Variants in ARMC2 observed in about 807,000 individuals in gnomAD.
The protein encoded by ARMC2 is armadillo repeat-containing protein 2.
In ARMC2, 67 loss-of-function variants were observed where a neutral mutation model predicts 90.3. The observed-to-expected ratio is 0.74, with a 90% confidence interval of 0.61 to 0.91. The LOEUF (loss-of-function observed/expected upper bound fraction) is 0.91, where lower values mean the gene tolerates loss of function less well. Among genes scored for constraint, ARMC2 ranks in the 40% least tolerant of loss-of-function variants. The pLI, the probability that ARMC2 is intolerant of heterozygous loss-of-function variation, is 0.00. For synonymous variants in ARMC2, 393 were observed against 393.0 expected, an observed-to-expected ratio of 1.00 and a Z score of 0.00; for missense variants, 920 against 1,030.9, an observed-to-expected ratio of 0.89 and a Z score of 1.47.
chr6:109,044,997 T>C, the ARMC2 span, among the ~76,000 whole-genome samples: 1 of 151,620 alleles, frequency 6.6e-6, no homozygotes, highest in Admixed American at 6.6e-5. Context: ...CACTCCATCC[T>C]GGGCAACAAG....
the ARMC2 span, among the ~76,000 whole-genome samples, chr6:109,006,225 TCCTTA>T: frequency 1.3e-5 from 2 of 152,220 alleles, no homozygotes; most frequent in East Asian, 1.9e-4. Context: ...CTTAGATTAA[TCCTTA>T]CCTTAATCTA....
downstream of ARMC2, among the ~76,000 whole-genome samples, chr6:108,975,001 C>CTT (rs769081082): frequency 6.8e-6 from 1 of 147,748 alleles, no homozygotes; most frequent in South Asian, 2.1e-4. Flanking sequence ...TTCTCTCTCT[C>CTT]TTTTTTTTTT....
chr6:108,915,179 C>T (rs1243838593), intron 10 of ARMC2, among the ~76,000 whole-genome samples: 1 of 152,138 alleles, frequency 6.6e-6, no homozygotes, highest in East Asian at 1.9e-4. Context: ...TAGTCTCAAA[C>T]TCATGACCTC....
intron 5 of ARMC2, among the ~76,000 whole-genome samples, chr6:108,879,237 C>T (rs1286906706): frequency 6.6e-6 from 1 of 151,434 alleles, no homozygotes; most frequent in East Asian, 1.9e-4. Context: ...TCTCCCCATC[C>T]ATCCACCCAT....
intron 1 of ARMC2, chr6:108,848,790 C>T (rs1309254665): frequency 3.3e-5 from 5 of 152,288 alleles, no homozygotes; most frequent in Non-Finnish European, 7.3e-5. Context: ...CGGGCACTGC[C>T]GTGGGTGGGG....
intron 13 of ARMC2, among the ~76,000 whole-genome samples, chr6:108,954,170 C>G (rs1457003246): frequency 6.6e-6 from 1 of 152,150 alleles, no homozygotes; most frequent in Non-Finnish European, 1.5e-5. Flanking sequence ...GTCTTATCTC[C>G]AAATACAAGC....
At chr6:108,979,941 C>T in the ARMC2 span, among the ~76,000 whole-genome samples, 1 of 151,914 alleles carries the variant, frequency 6.6e-6, no homozygotes, top group African/African-American at 2.4e-5. Context: ...AGAACATGCT[C>T]CTTTAGCTCG....
At chr6:108,902,894 G>A (rs1314911277) in intron 7 of ARMC2, among the ~76,000 whole-genome samples, 2 of 151,982 alleles carry the variant, frequency 1.3e-5, no homozygotes, top group Non-Finnish European at 2.9e-5. Flanking sequence ...TAGTGTGGCT[G>A]CCACTTCCAA....
the ARMC2 span, among the ~76,000 whole-genome samples, chr6:109,032,014 G>A: frequency 2.2e-4 from 33 of 152,132 alleles, no homozygotes; most frequent in African/African-American, 6.7e-4. Flanking sequence ...ATAAAATTTC[G>A]TGTTAAGTAC....
chr6:108,890,189 C>CAAAAAAAAAAAAAAAAAA (rs869186045), intron 5 of ARMC2, among the ~76,000 whole-genome samples: 4 of 64,246 alleles, frequency 6.2e-5, no homozygotes, highest in Admixed American at 1.7e-4. Flanking sequence ...GACTCCGTCT[C>CAAAAAAAAAAAAAAAAAA]AAAAAAAAAA....
intron 15 of ARMC2, 56 bp downstream of exon 15, chr6:108,962,183 A>T: frequency 7.3e-7 from 1 of 1,376,024 alleles, no homozygotes; most frequent in Non-Finnish European, 1.0e-6. Context: ...TAATCAGCTG[A>T]GTGGTTTTGC....
At chr6:109,045,851 T>A in the ARMC2 span, among the ~76,000 whole-genome samples, 2 of 152,218 alleles carry the variant, frequency 1.3e-5, no homozygotes, top group Middle Eastern at 3.4e-3. Context: ...TGGCATGGAA[T>A]GTTACACAGA....
chr6:108,885,147 A>G (rs1044066613), intron 5 of ARMC2, among the ~76,000 whole-genome samples: 4 of 152,208 alleles, frequency 2.6e-5, no homozygotes, highest in African/African-American at 7.2e-5. Flanking sequence ...GGATAGCTAC[A>G]AAGCAATATA....
chr6:109,022,900 T>C, the ARMC2 span, among the ~76,000 whole-genome samples: 1 of 152,304 alleles, frequency 6.6e-6, no homozygotes, highest in Middle Eastern at 3.4e-3. Flanking sequence ...TGCTGCCTGA[T>C]AATGTTTTAG....
chr6:109,050,625 G>C, the ARMC2 span, among the ~76,000 whole-genome samples: 2 of 152,058 alleles, frequency 1.3e-5, no homozygotes, highest in Non-Finnish European at 2.9e-5. Flanking sequence ...TATACAAATG[G>C]GCAGGCAGCA....
At chr6:108,903,555 G>A (rs1459463560) in intron 7 of ARMC2, among the ~76,000 whole-genome samples, 1 of 152,130 alleles carries the variant, frequency 6.6e-6, no homozygotes, top group Admixed American at 6.5e-5. Context: ...AAATGAATAT[G>A]TGTGAAGTTA....
At position 108,928,225 on chromosome 6, in the gene ARMC2, A is replaced by G; in HGVS notation, c.1488A>G (p.Arg496=). 6.5e-7 allele frequency: 1 copy of G among 1,539,336 alleles called. No homozygotes were observed. The highest frequency in any genetic ancestry group is 8.7e-7 in the Non-Finnish European group (1 of 1,143,798). ...AGGACGTCTGTACCAATATTGCCAGAATATTCAGGTAGGTAGACTAAGACG... is the reference window on the plus strand; with the variant it reads ...AGGACGTCTGTACCAATATTGCCAGGATATTCAGGTAGGTAGACTAAGACG... The part of the protein sequence containing the change: ...GDKDVCTNIA[R]IFSKLTSYRD... Residue 496 remains arginine, a synonymous_variant, in exon 11 of 18, where the codon AGA becomes AGG. Coordinates refer to ENST00000392644, the MANE Select transcript of ARMC2 (RefSeq NM_032131.6).
At chr6:108,870,587 A>C (rs1776295599) in intron 4 of ARMC2, among the ~76,000 whole-genome samples, 1 of 151,956 alleles carries the variant, frequency 6.6e-6, no homozygotes, top group African/African-American at 2.4e-5. Context: ...GAGGAAAGGA[A>C]AGAAAAAAGG....
chr6:109,045,256 T>C, the ARMC2 span, among the ~76,000 whole-genome samples: 1 of 151,784 alleles, frequency 6.6e-6, no homozygotes, highest in Admixed American at 6.6e-5. Context: ...TCAACCTCAC[T>C]CCCAACCCCA....
Sources: allele counts gnomAD v4.1 joint callset (sites outside exome capture counted in the v4.1 genomes callset), GRCh38; gene constraint gnomAD v4.1.1; transcripts MANE v1.5; gene names NCBI Gene and HGNC (gene_info 2026-07-23, HGNC 2026-07-21).